The following ORMDL2 variants were observed in gnomAD, a reference collection of about 807,000 sequenced individuals.
ORMDL2 encodes the protein ORMDL sphingolipid biosynthesis regulator 2, also known as ORM1-like protein 2.
ORMDL2 carries 11 observed loss-of-function variants against 13.5 expected under a neutral mutation model. That is an observed-to-expected ratio of 0.82 (90% CI 0.51 to 1.35). The LOEUF is 1.35. Among genes scored for constraint, ORMDL2 ranks in the 40% most tolerant of loss-of-function variants. ORMDL2 has a pLI of 0.00. For synonymous variants in ORMDL2, 73 were observed against 76.5 expected, an observed-to-expected ratio of 0.95 and a Z score of 0.24; for missense variants, 160 against 191.1, an observed-to-expected ratio of 0.84 and a Z score of 0.96.
At chr12:55,818,928 C>T in intron 1 of ORMDL2, 71 bp from the exon 2 acceptor site, 1 of 1,355,836 alleles carries the variant, frequency 7.4e-7, no homozygotes, top group South Asian at 1.3e-5. Flanking sequence ...TGAGAGACAA[C>T]TGGGAGATAG....
chr12:55,820,230 C>T (rs765110086), intron 3 of ORMDL2, 30 bp from the exon 4 acceptor site: 23 of 1,594,978 alleles, frequency 1.4e-5, no homozygotes, highest in Non-Finnish European at 2.0e-5. Context: ...GAAGGTCAAC[C>T]TCACTCACCC....
Position 55,820,713 on chromosome 12 carries a change from GCT to G in ORMDL2, c.*321_*322del. 3.3e-6 allele frequency: 1 copy of G among 305,710 alleles called. No homozygotes were observed. Among genetic ancestry groups the G allele is most frequent in the South Asian group, 4.6e-5 (1 of 21,718 alleles). 18.9% of individuals were successfully genotyped at this position (305,710 alleles called of 1,614,324 possible). ...TATCTTTTACACTTACCACCTTCCAGCTCTGTTTTGCTGTGTATTTTTCTTAC... is the reference window on the plus strand; with the variant it reads ...TATCTTTTACACTTACCACCTTCCAGCTGTTTTGCTGTGTATTTTTCTTAC... On this transcript the variant is annotated 3_prime_UTR_variant, in exon 4 of 4. Transcript: ENST00000243045.
Position 55,820,317 on chromosome 12 carries a change from A to G in ORMDL2, c.384A>G (p.Thr128=). The change falls in exon 4 of 4, where the codon ACA becomes ACG. Residue 128 remains threonine, a synonymous_variant. Transcript: ENST00000243045. The stretch of plus-strand genomic sequence containing the variant: ...ATGCTGCGCACTTCCTCATCAACAC[A>G]GCCTCATTGCTAAGTGTACTGCTGC... The part of the protein sequence containing the change: ...KYDAAHFLIN[T]ASLLSVLLPK... 3 of 1,614,032 alleles carry G rather than the reference A, an allele frequency of 1.9e-6. No individual in the cohort carries two copies. Among genetic ancestry groups the G allele is most frequent in the Non-Finnish European group, 2.5e-6 (3 of 1,179,970 alleles).
rs561967563 is a variant in ORMDL2 at position 55,821,619 on chromosome 12, G to A, written c.*1224G>A. 11 of 159,660 alleles carry A rather than the reference G, an allele frequency of 6.9e-5. No homozygotes were observed. Among genetic ancestry groups the A allele is most frequent in the Non-Finnish European group, 9.6e-5 (7 of 72,972 alleles). The allele number at this position is 159,660 out of a possible 1,614,324, so 9.9% of individuals were successfully genotyped here. On this transcript the variant is annotated 3_prime_UTR_variant, in exon 4 of 4. Transcript: ENST00000243045. ...ATCCAGCACTTTGGGAGGCCAAGAC[G>A]GGTGGATCACCTGAGCTCAGGAGTT...
chr12:55,820,192 C>T, intron 3 of ORMDL2, 68 bp from the exon 4 acceptor site: 16 of 1,436,542 alleles, frequency 1.1e-5, no homozygotes, highest in Non-Finnish European at 1.5e-5. Context: ...AGAACTGTCT[C>T]TTAAAAAAAA....
intron 3 of ORMDL2, 72 bp downstream of exon 3, chr12:55,819,565 G>A: frequency 7.1e-7 from 1 of 1,409,238 alleles, no homozygotes; most frequent in Non-Finnish European, 9.8e-7. Flanking sequence ...AGGCCCATAG[G>A]GAAGCTGTTA....
chr12:55,819,563 A>G, intron 3 of ORMDL2, 70 bp downstream of exon 3: 1 of 1,420,562 alleles, frequency 7.0e-7, no homozygotes, highest in Non-Finnish European at 9.7e-7. Context: ...AAAGGCCCAT[A>G]GGGAAGCTGT....
chr12:55,820,120 G>C (rs751190338), intron 3 of ORMDL2, 140 bp from the exon 4 acceptor site: 4 of 758,268 alleles, frequency 5.3e-6, no homozygotes, highest in Admixed American at 2.3e-5. Context: ...AGGAGTTTGA[G>C]GTTGTACTGC....
chr12:55,820,276 T>G lies in ORMDL2; in HGVS notation c.343T>G (p.Phe115Val). The G allele has an allele frequency of 6.2e-7, 1 of 1,613,430 alleles. No individual in the cohort carries two copies. Among genetic ancestry groups the G allele is most frequent in the Non-Finnish European group, 8.5e-7 (1 of 1,179,620 alleles). ...SPIVLYLLAS[F>V]YTKYDAAHFL... ...TCTCCCCAGCTATCTCCTGGCCAGC[T>G]TCTATACCAAGTATGATGCTGCGCA... The change falls in exon 4 of 4, where the codon TTC (phenylalanine) becomes GTC (valine). Residue 115 changes from phenylalanine (F) to valine (V), a missense_variant. By Grantham distance (50) the Phe-to-Val change is conservative. Transcript: ENST00000243045.
intron 3 of ORMDL2, 119 bp from the exon 4 acceptor site, chr12:55,820,141 C>T (rs2136214393): frequency 1.1e-6 from 1 of 911,896 alleles, no homozygotes; most frequent in Middle Eastern, 3.6e-4. Flanking sequence ...ACGTATCACA[C>T]TTATGAATAG....
intron 3 of ORMDL2, 130 bp from the exon 4 acceptor site, chr12:55,820,130 C>A: frequency 1.2e-6 from 1 of 816,556 alleles, no homozygotes; most frequent in Non-Finnish European, 2.0e-6. Flanking sequence ...GGTTGTACTG[C>A]ACGTATCACA....
rs1356360690 is a variant in ORMDL2, at chr12:55,820,670, G to A, written c.*275G>A. On this transcript the variant is annotated 3_prime_UTR_variant, in exon 4 of 4. Transcript: ENST00000243045. Reference sequence around the variant, plus strand: ...AGGAAGCCATTTGGGCAGCTTCTTTGGTGATTACATCTTTCCATATCTTTT... The same window carrying A: ...AGGAAGCCATTTGGGCAGCTTCTTTAGTGATTACATCTTTCCATATCTTTT... The A allele has an allele frequency of 2.3e-6, 1 of 443,476 alleles. No homozygotes were observed. Among genetic ancestry groups the A allele is most frequent in the Admixed American group, 3.5e-5 (1 of 28,578 alleles). 27.5% of individuals were successfully genotyped at this position (443,476 alleles called of 1,614,324 possible).
Position 55,820,259 on chromosome 12 carries a change from G to A in ORMDL2, c.327-1G>A. 6.2e-7 allele frequency: 1 copy of A among 1,608,074 alleles called. No individual in the cohort carries two copies. The highest frequency in any genetic ancestry group is 8.5e-7 in the Non-Finnish European group (1 of 1,176,186). ...CTCACCCTATTTTTTTCTCTCCCCA[G>A]CTATCTCCTGGCCAGCTTCTATACC... On this transcript the variant is annotated splice_acceptor_variant, in intron 3 of 3. Coordinates refer to ENST00000243045, the MANE Select transcript of ORMDL2 (RefSeq NM_014182.5). LOFTEE classifies it high-confidence loss of function.
intron 3 of ORMDL2, among the ~76,000 whole-genome samples, chr12:55,819,729 A>G (rs536542469): frequency 1.3e-4 from 20 of 152,342 alleles, no homozygotes; most frequent in Admixed American, 9.1e-4. Flanking sequence ...GACTGAGAAA[A>G]GATAAGTGCC....
At position 55,819,174 on chromosome 12, in the gene ORMDL2, G is replaced by A; in HGVS notation, c.174+1G>A. ...CCTGACCAACGTCATCCATAACCTG[G>A]TGAGCACTAAACCACGCCCTTGTAC... On this transcript the variant is annotated splice_donor_variant, in intron 2 of 3. Transcript: ENST00000243045. LOFTEE classifies it high-confidence loss of function. 6.2e-7 allele frequency: 1 copy of A among 1,613,390 alleles called. No homozygotes were observed. Among genetic ancestry groups the A allele is most frequent in the Non-Finnish European group, 8.5e-7 (1 of 1,179,400 alleles).
chr12:55,820,205 AAG>A (rs1880628628), intron 3 of ORMDL2, 53 bp from the exon 4 acceptor site: 3 of 1,523,450 alleles, frequency 2.0e-6, no homozygotes, highest in African/African-American at 2.8e-5. Context: ...AAAAAAAAAA[AAG>A]AATATGGATA....
Position 55,819,390 on chromosome 12 carries a change from C to G in ORMDL2, c.223C>G (p.Pro75Ala), listed in dbSNP as rs767408038. The G allele has an allele frequency of 2.5e-6, 4 of 1,614,154 alleles. No homozygotes were observed. The South Asian group carries it at 4.4e-5, about 18-fold the overall frequency. Residue 75 changes from proline (P) to alanine (A), a missense_variant, in exon 3 of 4, where the codon CCT becomes GCT. Pro to Ala is a conservative substitution (Grantham distance 27, BLOSUM62 -1). Transcript: ENST00000243045. ...HTVKGTPFET[P>A]DQGKARLLTH... ...GGTGAAAGGGACACCCTTTGAGACT[C>G]CTGACCAAGGAAAGGCTCGGCTACT...
At chr12:55,818,420 G>C in intron 1 of ORMDL2, 1 of 256,488 alleles carries the variant, frequency 3.9e-6, no homozygotes, top group South Asian at 3.6e-5. Flanking sequence ...ACCTTTCGAG[G>C]TATTGAGCTC....
intron 1 of ORMDL2, 68 bp from the exon 2 acceptor site, chr12:55,818,931 G>A (rs1267537173): frequency 8.8e-6 from 12 of 1,364,752 alleles, no homozygotes; most frequent in Non-Finnish European, 1.2e-5. Context: ...GAGACAACTG[G>A]GAGATAGCTC....
Sources: gnomAD v4.1 joint callset for allele counts (sites outside exome capture counted in the v4.1 genomes callset) on GRCh38, gnomAD v4.1.1 for gene constraint, MANE v1.5 for transcripts, NCBI Gene and HGNC (gene_info 2026-07-23, HGNC 2026-07-21) for gene names.